Variants in PRDM16 observed in about 807,000 individuals in gnomAD.
The protein encoded by PRDM16 is PR/SET domain 16, also known as histone-lysine N-methyltransferase PRDM16.
Under a neutral mutation model 110.6 loss-of-function variants are expected in PRDM16, and 23 were observed. The observed-to-expected ratio is 0.21, with a 90% CI of 0.15 to 0.29. The LOEUF (loss-of-function observed/expected upper bound fraction) is 0.29, where lower values mean the gene tolerates loss of function less well. Ranked by LOEUF, PRDM16 falls within the 10% of genes least tolerant of loss-of-function variation. The pLI is 1.00. For synonymous variants in PRDM16, 799 were observed against 781.8 expected, an observed-to-expected ratio of 1.02 and a Z score of -0.37; for missense variants, 1,615 against 1,794.3, an observed-to-expected ratio of 0.90 and a Z score of 1.81.
chr1:3,337,701 G>A (rs377421181), intron 3 of PRDM16, among the ~76,000 whole-genome samples: 121 of 152,322 alleles, frequency 7.9e-4, no homozygotes, highest in African/African-American at 2.8e-3. Flanking sequence ...CCCTTGGTGT[G>A]ATGCTGTGCG....
intron 1 of PRDM16, among the ~76,000 whole-genome samples, chr1:3,119,117 T>C (rs1281880470): frequency 6.6e-6 from 1 of 152,160 alleles, no homozygotes; most frequent in Admixed American, 6.5e-5. Flanking sequence ...GCCTTTTTGG[T>C]GGGACTGGCT....
chr1:3,196,265 G>C (rs1410729463), intron 2 of PRDM16, among the ~76,000 whole-genome samples: 1 of 152,236 alleles, frequency 6.6e-6, no homozygotes, highest in Non-Finnish European at 1.5e-5. Flanking sequence ...CCTGGGCCCA[G>C]TGCCTCATGC....
chr1:3,193,315 G>A (rs1375862294), intron 2 of PRDM16, among the ~76,000 whole-genome samples: 2 of 152,244 alleles, frequency 1.3e-5, no homozygotes, highest in African/African-American at 4.8e-5. Context: ...GGATGGAGCG[G>A]CAGCTCCCAC....
At chr1:3,336,355 C>A (rs1280109193) in intron 3 of PRDM16, among the ~76,000 whole-genome samples, 6 of 149,498 alleles carry the variant, frequency 4.0e-5, no homozygotes, top group African/African-American at 1.5e-4. Context: ...TGTGTGTGTG[C>A]ATGTGGAGGG....
intron 2 of PRDM16, among the ~76,000 whole-genome samples, chr1:3,233,797 A>T (rs1236720829): frequency 6.6e-6 from 1 of 151,994 alleles, no homozygotes; most frequent in African/African-American, 2.4e-5. Context: ...TTCTTGGTGC[A>T]TTCTTGCGTC....
At chr1:3,205,055 C>T (rs1405035091) in intron 2 of PRDM16, among the ~76,000 whole-genome samples, 2 of 152,024 alleles carry the variant, frequency 1.3e-5, no homozygotes, top group African/African-American at 4.8e-5. Flanking sequence ...ATGAGGGCCC[C>T]ATTCACTGCC....
intron 3 of PRDM16, among the ~76,000 whole-genome samples, chr1:3,271,162 G>A (rs576163753): frequency 4.7e-4 from 72 of 152,310 alleles, no homozygotes; most frequent in African/African-American, 1.7e-3. Context: ...CGCCAGTGTG[G>A]GGCCCCGGAC....
chr1:3,076,446 G>T (rs1172507818), intron 1 of PRDM16, among the ~76,000 whole-genome samples: 3 of 152,196 alleles, frequency 2.0e-5, no homozygotes, highest in African/African-American at 7.2e-5. Flanking sequence ...TGAAGCCCTT[G>T]CTAGTGGCCG....
chr1:3,144,039 C>T (rs1643600639), intron 1 of PRDM16, among the ~76,000 whole-genome samples: 1 of 152,240 alleles, frequency 6.6e-6, no homozygotes, highest in South Asian at 2.1e-4. Context: ...CCGCCCACTT[C>T]ATTTCTTTGA....
intron 1 of PRDM16, among the ~76,000 whole-genome samples, chr1:3,172,838 C>T (rs1644041513): frequency 6.6e-6 from 1 of 152,132 alleles, no homozygotes; most frequent in Admixed American, 6.5e-5. Context: ...TGGGGAGATG[C>T]AGGAGTTCTG....
rs1557507323 is a variant in PRDM16 at position 3,180,957 on chromosome 1, GT to G, written c.38-5167del. 1.9e-3 allele frequency among the ~76,000 whole-genome samples: 275 copies of G among 141,784 alleles called. 2 individuals are homozygous for G. The highest frequency in any genetic ancestry group is 6.3e-3 in the African/African-American group (236 of 37,676). 93.0% of individuals were successfully genotyped at this position (141,784 alleles called of 152,430 possible). A position where few individuals can be genotyped will look rare whatever the true frequency, so the allele number is the denominator to read the frequency against. On this transcript the variant is annotated intron_variant, in intron 1 of 16. Coordinates refer to ENST00000270722, the MANE Select transcript of PRDM16 (RefSeq NM_022114.4). The stretch of plus-strand genomic sequence containing the variant: ...CCACACACGCAGCCTTACACACGCA[GT>G]CTTACACACTCGGTCTTACACACGC...
chr1:3,081,713 T>C lies in PRDM16; in HGVS notation c.37+12417T>C, dbSNP rs574715295. ...GCCGCTTCCCACCCCTGGGTGTCGG[T>C]CACTAGAGAGTGGGTAGAGCCTGGC... On this transcript the variant is annotated intron_variant, in intron 1 of 16. Transcript: ENST00000270722. This position sits in a 1 kb window ranked among gnomAD's most constrained non-coding sequence, Gnocchi z 4.6. 6.6e-6 allele frequency among the ~76,000 whole-genome samples: 1 copy of C among 152,188 alleles called. No individual in the cohort carries two copies. Among genetic ancestry groups the C allele is most frequent in the African/African-American group, 2.4e-5 (1 of 41,540 alleles).
At chr1:3,155,597 G>A (rs1406750130) in intron 1 of PRDM16, among the ~76,000 whole-genome samples, 1 of 152,270 alleles carries the variant, frequency 6.6e-6, no homozygotes, top group African/African-American at 2.4e-5. Flanking sequence ...CCGGAGGAGG[G>A]AGGGCCGCAG....
intron 3 of PRDM16, among the ~76,000 whole-genome samples, chr1:3,342,303 A>G (rs1483789450): frequency 6.6e-6 from 1 of 152,246 alleles, no homozygotes; most frequent in Non-Finnish European, 1.5e-5. Flanking sequence ...GTTCCAGGGG[A>G]GGAAAATTAA....
rs138767610 is a variant in PRDM16 at position 3,286,743 on chromosome 1, G to A, written c.438+42606G>A. Among the ~76,000 whole-genome samples, 856 of 152,298 alleles carry A rather than the reference G, an allele frequency of 5.6e-3. 15 individuals are homozygous for A. The highest frequency in any genetic ancestry group is 0.02 in the African/African-American group (816 of 41,564). On this transcript the variant is annotated intron_variant, in intron 3 of 16. Coordinates refer to ENST00000270722, the MANE Select transcript of PRDM16 (RefSeq NM_022114.4). ...TACCGACAGCCTCTACGTGCTGGGCGCTTAACTCACAGGAGACCTGCAAGC... is the reference window on the plus strand; with the variant it reads ...TACCGACAGCCTCTACGTGCTGGGCACTTAACTCACAGGAGACCTGCAAGC...
chr1:3,304,400 T>C (rs1055052454), intron 3 of PRDM16, among the ~76,000 whole-genome samples: 2 of 152,228 alleles, frequency 1.3e-5, no homozygotes, highest in African/African-American at 4.8e-5. Context: ...CCTTAACAAG[T>C]GATCTCTATT....
chr1:3,084,071 G>A (rs1248627161), intron 1 of PRDM16, among the ~76,000 whole-genome samples: 1 of 152,242 alleles, frequency 6.6e-6, no homozygotes. Context: ...GGAGCGAGAG[G>A]AGAGGTGGCT....
intron 3 of PRDM16, among the ~76,000 whole-genome samples, chr1:3,252,121 G>T (rs1639947552): frequency 6.6e-6 from 1 of 152,218 alleles, no homozygotes; most frequent in Non-Finnish European, 1.5e-5. Flanking sequence ...CCTTCCCGAG[G>T]CCTGGCTCCT....
chr1:3,325,140 C>A (rs895035523), intron 3 of PRDM16, among the ~76,000 whole-genome samples: 2 of 152,220 alleles, frequency 1.3e-5, no homozygotes, highest in Non-Finnish European at 2.9e-5. Flanking sequence ...GGGGTGACCC[C>A]CAAACCCCCA....
Sources: gnomAD v4.1 joint callset for allele counts (sites outside exome capture counted in the v4.1 genomes callset) on GRCh38, gnomAD v4.1.1 for gene constraint, Gnocchi (gnomAD v3.1) non-coding constraint, MANE v1.5 for transcripts, NCBI Gene and HGNC (gene_info 2026-07-23, HGNC 2026-07-21) for gene names.